Variants in C6orf141 observed in about 807,000 individuals in gnomAD.
The protein encoded by C6orf141 is chromosome 6 open reading frame 141, also known as uncharacterized protein C6orf141.
For synonymous variants in C6orf141, 164 were observed against 140.5 expected, an observed-to-expected ratio of 1.17 and a Z score of -1.18; for missense variants, 361 against 335.8, an observed-to-expected ratio of 1.07 and a Z score of -0.59.
chr6:49,554,619 T>C (rs979366473), downstream of C6orf141, among the ~76,000 whole-genome samples: 14 of 152,098 alleles, frequency 9.2e-5, no homozygotes, highest in Non-Finnish European at 1.6e-4. Flanking sequence ...CTTGACCTTG[T>C]GATGCGCCCG....
In C6orf141 at chr6:49,551,838, T is replaced by G; in HGVS notation, c.*311T>G. ...TTTGCATTTTGGAATAACTCTCAAT[T>G]GATCTCTTTTCTGTTCCCCGCCCCC... On this transcript the variant is annotated 3_prime_UTR_variant, in exon 1 of 1. Transcript: ENST00000529246. 8.3e-7 allele frequency: 1 copy of G among 1,211,686 alleles called. No individual in the cohort carries two copies. The highest frequency in any genetic ancestry group is 1.6e-5 in the African/African-American group (1 of 63,114). The allele number at this position is 1,211,686 out of a possible 1,614,324, so 75.1% of individuals were successfully genotyped here. A position where few individuals can be genotyped will look rare whatever the true frequency, so the allele number is the denominator to read the frequency against.
rs1470531779 is a variant in C6orf141, at chr6:49,551,583, A to G, written c.*56A>G. On this transcript the variant is annotated 3_prime_UTR_variant, in exon 1 of 1. Transcript: ENST00000529246. ...GGATGAGCGATCATCCTTAAAAGAA[A>G]ATGCTATTCTGGGAGCTCCAACCTG... is the stretch of plus-strand genomic sequence containing the variant. 9 of 1,533,832 alleles carry G rather than the reference A, an allele frequency of 5.9e-6. No individual in the cohort carries two copies. The highest frequency in any genetic ancestry group is 7.9e-6 in the Non-Finnish European group (9 of 1,142,402).
downstream of C6orf141, among the ~76,000 whole-genome samples, chr6:49,556,982 G>A (rs115027916): frequency 3.3e-3 from 506 of 152,294 alleles, 2 homozygotes; most frequent in Non-Finnish European, 2.6e-3. Context: ...GGCCAAGCAC[G>A]GTGGCTCACG....
At position 49,551,123 on chromosome 6, in the gene C6orf141, G is replaced by A; in HGVS notation, c.331G>A (p.Ala111Thr). ...TRGDPAREEV[A>T]GAEDLPHAGG... is the part of the protein sequence containing the mutation. ...AGGGGACCCTGCACGGGAAGAGGTG[G>A]CCGGTGCAGAGGACCTTCCTCATGC... Residue 111 changes from alanine to threonine, a missense_variant, in exon 1 of 1, where the codon GCC becomes ACC. By Grantham distance (58) the Ala-to-Thr change is moderately conservative (BLOSUM62 0). Coordinates refer to ENST00000529246, the MANE Select transcript of C6orf141 (RefSeq NM_001145652.2). 1.9e-6 allele frequency: 3 copies of A among 1,551,730 alleles called. No homozygotes were observed. Among genetic ancestry groups the A allele is most frequent in the Non-Finnish European group, 1.7e-6 (2 of 1,146,992 alleles).
downstream of C6orf141, among the ~76,000 whole-genome samples, chr6:49,556,008 G>A (rs1277104088): frequency 6.6e-6 from 1 of 152,152 alleles, no homozygotes; most frequent in Non-Finnish European, 1.5e-5. Context: ...TGTAACCTCT[G>A]TATATTTTCT....
In C6orf141 at chr6:49,559,833, T is replaced by A. The variant is rs114772792; in HGVS notation, c.*764-1871T>A. ...TTTCAGGGAGAACTTCGGAATGCAGTCAGCTTCTGTAAGGATTCTCTAACT... is the reference window on the plus strand; with the variant it reads ...TTTCAGGGAGAACTTCGGAATGCAGACAGCTTCTGTAAGGATTCTCTAACT... On this transcript the variant is annotated intron_variant and NMD_transcript_variant, in intron 4 of 4. Transcript: ENST00000371194. Among the ~76,000 whole-genome samples the A allele has an allele frequency of 2.2e-3, 337 of 152,240 alleles. 3 individuals carry two copies. The highest frequency in any genetic ancestry group is 7.9e-3 in the African/African-American group (329 of 41,534).
chr6:49,559,530 G>A (rs1772852334), intron 4 of C6orf141, among the ~76,000 whole-genome samples: 1 of 151,966 alleles, frequency 6.6e-6, no homozygotes, highest in Non-Finnish European at 1.5e-5. Context: ...GTATTATCTA[G>A]TGGTCACTGG....
rs1581893367 is a variant in C6orf141, at chr6:49,551,570, A to G, written c.*43A>G. On this transcript the variant is annotated 3_prime_UTR_variant, in exon 1 of 1. Transcript: ENST00000529246. ...GTTCCGGGATGGTGGATGAGCGATC[A>G]TCCTTAAAAGAAAATGCTATTCTGG... 2 of 1,540,696 alleles carry G rather than the reference A, an allele frequency of 1.3e-6. No homozygotes were observed. The highest frequency in any genetic ancestry group is 1.7e-6 in the Non-Finnish European group (2 of 1,144,932).
downstream of C6orf141, among the ~76,000 whole-genome samples, chr6:49,555,774 C>T (rs535562660): frequency 1.4e-4 from 22 of 152,034 alleles, no homozygotes; most frequent in Non-Finnish European, 2.8e-4. Flanking sequence ...TCCCAAAGTG[C>T]TGTGATTACA....
chr6:49,559,165 CATATATATATATATATATATAT>C (rs66650945), intron 4 of C6orf141, among the ~76,000 whole-genome samples: 622 of 37,272 alleles, frequency 0.017, 23 homozygotes, highest in Non-Finnish European at 0.02. Context: ...GGTCATTGTC[CATATATATATATATATATATAT>C]ATATATATAT....
downstream of C6orf141, among the ~76,000 whole-genome samples, chr6:49,556,316 A>G (rs1771926365): frequency 6.6e-6 from 1 of 152,230 alleles, no homozygotes; most frequent in East Asian, 1.9e-4. Context: ...TGCCATGAAG[A>G]TAATAATTCA....
chr6:49,553,748 A>G (rs1406620402), downstream of C6orf141, among the ~76,000 whole-genome samples: 6 of 147,724 alleles, frequency 4.1e-5, no homozygotes, highest in Non-Finnish European at 3.0e-5. Flanking sequence ...TGATTTGTTA[A>G]GTGGGGACAA....
In C6orf141 at chr6:49,550,732, G is replaced by A; in HGVS notation, c.-61G>A. The A allele has an allele frequency of 4.4e-6, 6 of 1,378,648 alleles. No individual in the cohort carries two copies. Among genetic ancestry groups the A allele is most frequent in the Non-Finnish European group, 5.7e-6 (6 of 1,044,654 alleles). The allele number at this position is 1,378,648 out of a possible 1,614,324, so 85.4% of individuals were successfully genotyped here. On this transcript the variant is annotated 5_prime_UTR_variant, in exon 1 of 1. Transcript: ENST00000529246. ...CAGAGGCCACACCCAGGGCTTGGTG[G>A]TCCCGCGCTTTCCGGAGCTCAGCAG... is the stretch of plus-strand genomic sequence containing the variant.
intron 4 of C6orf141, among the ~76,000 whole-genome samples, chr6:49,560,121 C>G (rs1581912683): frequency 6.6e-6 from 1 of 152,108 alleles, no homozygotes; most frequent in Non-Finnish European, 1.5e-5. Flanking sequence ...CGAAACCAGC[C>G]TGACTAACAT....
At chr6:49,559,059 GAAGAC>G (rs1258293486) in intron 4 of C6orf141, among the ~76,000 whole-genome samples, 3 of 150,964 alleles carry the variant, frequency 2.0e-5, no homozygotes, top group African/African-American at 2.4e-5. Context: ...ACAAAGAGCA[GAAGAC>G]ATACAGCACA....
At chr6:49,552,797 A>C (rs1770935897), downstream of C6orf141, among the ~76,000 whole-genome samples, 1 of 152,250 alleles carries the variant, frequency 6.6e-6, no homozygotes, top group Non-Finnish European at 1.5e-5. Context: ...TAGTAATTGC[A>C]TATGCTTACT....
downstream of C6orf141, among the ~76,000 whole-genome samples, chr6:49,556,162 C>T (rs921001224): frequency 2.6e-5 from 4 of 152,152 alleles, no homozygotes; most frequent in African/African-American, 9.7e-5. Flanking sequence ...TCAGAATTCG[C>T]ATTTTGTCAA....
chr6:49,557,507 C>T (rs1458309876), intron 4 of C6orf141, among the ~76,000 whole-genome samples: 10 of 152,314 alleles, frequency 6.6e-5, no homozygotes, highest in African/African-American at 2.4e-4. Context: ...AGGTCCCTGA[C>T]TTTCCTTTTC....
chr6:49,558,720 G>A (rs914202733), intron 4 of C6orf141, among the ~76,000 whole-genome samples: 1 of 151,510 alleles, frequency 6.6e-6, no homozygotes, highest in Non-Finnish European at 1.5e-5. Flanking sequence ...TTTTTGGGGG[G>A]GGTGCGGGAT....
Sources: gnomAD v4.1 joint callset for allele counts (sites outside exome capture counted in the v4.1 genomes callset) on GRCh38, gnomAD v4.1.1 for gene constraint, MANE v1.5 for transcripts, NCBI Gene and HGNC (gene_info 2026-07-23, HGNC 2026-07-21) for gene names.